The following LIPI variants were observed in gnomAD, a reference collection of about 807,000 sequenced individuals.
LIPI encodes lipase I.
A neutral mutation model predicts 50.6 loss-of-function variants in LIPI; 59 were observed. The ratio of observed to expected loss-of-function variants is 1.16; its 90% CI spans 0.94 to 1.45. The LOEUF is 1.45. Among genes scored for constraint, LIPI ranks in the 40% most tolerant of loss-of-function variants. LIPI has a pLI of 0.00. For missense variants in LIPI, 586 were observed against 536.3 expected, an observed-to-expected ratio of 1.09 and a Z score of -0.92; for synonymous variants, 203 against 178.2, an observed-to-expected ratio of 1.14 and a Z score of -1.11.
At chr21:14,180,018 A>C (rs1029515688) in intron 4 of LIPI, among the ~76,000 whole-genome samples, 3 of 152,114 alleles carry the variant, frequency 2.0e-5, no homozygotes, top group African/African-American at 7.2e-5. Flanking sequence ...GAGGAATATT[A>C]ATATTAATAC....
chr21:14,193,992 T>A (rs373302790), intron 1 of LIPI, among the ~76,000 whole-genome samples: 3 of 152,262 alleles, frequency 2.0e-5, no homozygotes, highest in East Asian at 3.9e-4. Flanking sequence ...TTAAATTGAC[T>A]TATCAATGAA....
At chr21:14,179,948 G>T (rs1358560234) in intron 4 of LIPI, among the ~76,000 whole-genome samples, 2 of 152,132 alleles carry the variant, frequency 1.3e-5, no homozygotes, top group Non-Finnish European at 2.9e-5. Context: ...TTTTCTTCTT[G>T]CAGAGAGCGT....
At chr21:14,135,674 G>C (rs982357776) in intron 9 of LIPI, among the ~76,000 whole-genome samples, 5 of 152,134 alleles carry the variant, frequency 3.3e-5, no homozygotes, top group Non-Finnish European at 5.9e-5. Flanking sequence ...AAGAAACCTG[G>C]CCACTGAGGC....
chr21:14,161,065 T>C (rs549248928), intron 7 of LIPI, among the ~76,000 whole-genome samples: 1 of 151,326 alleles, frequency 6.6e-6, no homozygotes, highest in African/African-American at 2.4e-5. Flanking sequence ...AAATGTTAAA[T>C]TTTTTCAAAG....
chr21:14,139,870 T>A (rs1033406192), intron 9 of LIPI, among the ~76,000 whole-genome samples: 1 of 152,150 alleles, frequency 6.6e-6, no homozygotes, highest in Non-Finnish European at 1.5e-5. Flanking sequence ...CTACCTGGTG[T>A]GTCCAAGGAA....
chr21:14,144,795 T>C lies in LIPI; in HGVS notation c.1123A>G (p.Asn375Asp). 1.9e-6 allele frequency: 3 copies of C among 1,562,854 alleles called. No individual in the cohort carries two copies. Among genetic ancestry groups the C allele is most frequent in the East Asian group, 2.2e-5 (1 of 44,500 alleles). Residue 375 changes from asparagine (N) to aspartate (D), a missense_variant, in exon 9 of 10, where the codon AAC becomes GAC. Transcript: ENST00000681601. ...MIEEPRLYEK[N>D]KPFYKLQEVK... ...TCTTGAAGTTTATAAAATGGTTTGT[T>C]CTTTCTAGAGAGAAAATTTGATACA...
At chr21:14,138,928 T>C (rs2017605384) in intron 9 of LIPI, among the ~76,000 whole-genome samples, 1 of 152,062 alleles carries the variant, frequency 6.6e-6, no homozygotes, top group Non-Finnish European at 1.5e-5. Flanking sequence ...TTCTGCAAAA[T>C]AGACTATAAC....
intron 7 of LIPI, among the ~76,000 whole-genome samples, chr21:14,162,753 T>G (rs557995807): frequency 2.2e-4 from 34 of 151,974 alleles, no homozygotes; most frequent in African/African-American, 7.9e-4. Context: ...ATGACTGACC[T>G]AAAATATTTT....
rs77028964 is a variant in LIPI at position 14,126,382 on chromosome 21, A to G, written c.1296-17302T>C. Among the ~76,000 whole-genome samples, 1,070 of 152,324 alleles carry G rather than the reference A, an allele frequency of 7.0e-3. 18 individuals carry two copies. The highest frequency in any genetic ancestry group is 0.022 in the African/African-American group (898 of 41,568). ...CTATTCATAATAACATGCCATTGAC[A>G]TAAGTAACAACATAGATAAATTTTA... On this transcript the variant is annotated intron_variant, in intron 9 of 9. Coordinates refer to ENST00000681601, the MANE Select transcript of LIPI (RefSeq NM_001302998.2).
At position 14,204,567 on chromosome 21, in the gene LIPI, G is replaced by T. The variant is rs73347907; in HGVS notation, c.46+6233C>A. On this transcript the variant is annotated intron_variant, in intron 1 of 9. Coordinates refer to ENST00000681601, the MANE Select transcript of LIPI (RefSeq NM_001302998.2). The stretch of plus-strand genomic sequence containing the variant: ...ATAAATGACATTTTGAAGATAATAG[G>T]ACCATGATTAAAATTATGTTCACAT... Among the ~76,000 whole-genome samples, 1,156 of 151,800 alleles carry T rather than the reference G, an allele frequency of 7.6e-3. 18 individuals are homozygous for T. Among genetic ancestry groups the T allele is most frequent in the African/African-American group, 0.025 (1,052 of 41,466 alleles).
Position 14,210,924 on chromosome 21 carries a change from T to G in LIPI, c.-79A>C. On this transcript the variant is annotated 5_prime_UTR_variant, in exon 1 of 10. Coordinates refer to ENST00000681601, the MANE Select transcript of LIPI (RefSeq NM_001302998.2). ...GTAACTCATTGAGGTTTCTCTTTGG[T>G]AGGATCATCACAGGCTGGCAGGTTC... 1 of 1,150,102 alleles carries G rather than the reference T, an allele frequency of 8.7e-7. No homozygotes were observed. Among genetic ancestry groups the G allele is most frequent in the Non-Finnish European group, 1.1e-6 (1 of 925,612 alleles). 71.2% of individuals were successfully genotyped at this position (1,150,102 alleles called of 1,614,324 possible).
At chr21:14,143,804 C>G (rs904921357) in intron 9 of LIPI, 1 of 152,828 alleles carries the variant, frequency 6.5e-6, no homozygotes, top group African/African-American at 2.4e-5. Context: ...ACATGTACAT[C>G]TATATCATGT....
Position 14,166,376 on chromosome 21 carries a change from T to A in LIPI, c.719A>T (p.Lys240Ile), listed in dbSNP as rs777821318. ...NGGNKQPGCPKSIFSGIQFIK... is the reference protein window; with the variant it reads ...NGGNKQPGCPISIFSGIQFIK... ...TGTCAGTATACCTGAGAAAATTGAT[T>A]TAGGACAGCCAGGTTGTTTATTTCC... The change falls in exon 5 of 10, where the codon AAA (lysine) becomes ATA (isoleucine). Residue 240 changes from lysine to isoleucine, a missense_variant. Coordinates refer to ENST00000681601, the MANE Select transcript of LIPI (RefSeq NM_001302998.2). 6.3e-7 allele frequency: 1 copy of A among 1,586,828 alleles called. No individual in the cohort carries two copies. The highest frequency in any genetic ancestry group is 8.7e-7 in the Non-Finnish European group (1 of 1,155,202).
chr21:14,201,775 CA>C lies in LIPI; in HGVS notation c.46+9024del, dbSNP rs1447480277. ...GAAGCATTCCCTTTGAAAACTGGCACAAGACAGGGATGCCCTCTCTCACCAA... is the reference window on the plus strand; with the variant it reads ...GAAGCATTCCCTTTGAAAACTGGCACAGACAGGGATGCCCTCTCTCACCAA... On this transcript the variant is annotated intron_variant, in intron 1 of 9. Coordinates refer to ENST00000681601, the MANE Select transcript of LIPI (RefSeq NM_001302998.2). 7.9e-5 allele frequency among the ~76,000 whole-genome samples: 12 copies of C among 152,244 alleles called. No individual in the cohort carries two copies. The South Asian group carries it at 2.3e-3, about 29-fold the overall frequency.
In LIPI at chr21:14,125,489, C is replaced by T. The variant is rs376972953; in HGVS notation, c.1296-16409G>A. 1.4e-4 allele frequency among the ~76,000 whole-genome samples: 22 copies of T among 152,264 alleles called. 2 individuals carry two copies. The highest frequency in any genetic ancestry group is 1.2e-3 in the South Asian group (6 of 4,828). On this transcript the variant is annotated intron_variant, in intron 9 of 9. Coordinates refer to ENST00000681601, the MANE Select transcript of LIPI (RefSeq NM_001302998.2). ...CAAAAAGGCAGACGATGAGGAAAAA[C>T]GGAACAAAGGACAGATGGACCGAAC...
intron 9 of LIPI, among the ~76,000 whole-genome samples, chr21:14,136,284 A>G (rs2017496935): frequency 6.6e-6 from 1 of 152,088 alleles, no homozygotes; most frequent in African/African-American, 2.4e-5. Context: ...CAATTCCAGG[A>G]CTTGATTCTT....
At chr21:14,201,952 A>T (rs1377099705) in intron 1 of LIPI, among the ~76,000 whole-genome samples, 4 of 152,162 alleles carry the variant, frequency 2.6e-5, no homozygotes, top group Non-Finnish European at 4.4e-5. Flanking sequence ...GTCTCAGCCC[A>T]AAATCTCCTT....
intron 9 of LIPI, among the ~76,000 whole-genome samples, chr21:14,119,455 ACTGT>A: frequency 6.6e-6 from 1 of 152,240 alleles, no homozygotes; most frequent in Non-Finnish European, 1.5e-5. Context: ...GCAAAAGGAG[ACTGT>A]CTGTAGCATT....
Position 14,109,091 on chromosome 21 carries a change from G to A in LIPI, c.1296-11C>T, listed in dbSNP as rs754640845. 48 of 1,576,734 alleles carry A rather than the reference G, an allele frequency of 3.0e-5. No homozygotes were observed. The highest frequency in any genetic ancestry group is 3.9e-5 in the Non-Finnish European group (45 of 1,147,482). ...CTGCAAAGTGGTGGTCTGAGAAAGA[G>A]AAAAATGGAGAGAACAAAAAAATAA... On this transcript the variant is annotated splice_polypyrimidine_tract_variant and intron_variant, in intron 9 of 9. Transcript: ENST00000681601.
Sources: gnomAD v4.1 joint callset for allele counts (sites outside exome capture counted in the v4.1 genomes callset) on GRCh38, gnomAD v4.1.1 for gene constraint, MANE v1.5 for transcripts, NCBI Gene and HGNC (gene_info 2026-07-23, HGNC 2026-07-21) for gene names.